SBF2: variants seen among roughly 807,000 people sequenced by gnomAD.
SBF2 encodes SET binding factor 2.
A neutral mutation model predicts 225.2 loss-of-function variants in SBF2; 112 were observed. That is an observed-to-expected ratio of 0.50 (90% CI 0.43 to 0.58). The LOEUF is 0.58. Among genes scored for constraint, SBF2 ranks in the 20% least tolerant of loss-of-function variants. The pLI is 0.00. For missense variants in SBF2, 1,996 were observed against 2,206.2 expected, an observed-to-expected ratio of 0.90 and a Z score of 1.91; for synonymous variants, 763 against 773.3, an observed-to-expected ratio of 0.99 and a Z score of 0.22.
At chr11:10,205,766 G>A (rs898275034) in intron 1 of SBF2, among the ~76,000 whole-genome samples, 16 of 152,016 alleles carry the variant, frequency 1.1e-4, no homozygotes, top group African/African-American at 3.9e-4. Context: ...ACCAGCAAGA[G>A]AGACCCCATC....
intron 2 of SBF2, among the ~76,000 whole-genome samples, chr11:10,155,298 TA>T (rs1351859599): frequency 6.6e-6 from 1 of 152,206 alleles, no homozygotes; most frequent in Non-Finnish European, 1.5e-5. Context: ...AAGAGAAATA[TA>T]AATTTCATGT....
chr11:9,922,169 C>T (rs1015857760), intron 16 of SBF2, among the ~76,000 whole-genome samples: 9 of 151,982 alleles, frequency 5.9e-5, no homozygotes, highest in Non-Finnish European at 1.3e-4. Context: ...CTGGTTGAGC[C>T]CAGGAGATGG....
At position 10,225,988 on chromosome 11, in the gene SBF2, A is replaced by G. The variant is rs543939975; in HGVS notation, c.56-32001T>C. Among the ~76,000 whole-genome samples the G allele has an allele frequency of 7.2e-5, 11 of 152,330 alleles. No homozygotes were observed. The East Asian group carries it at 2.1e-3, about 29-fold the overall frequency. ...GGATTTTCATTACCAAATTTTATCC[A>G]ACAGAAATAAGCAGCCAGAAGACAC... On this transcript the variant is annotated intron_variant, in intron 1 of 39. Coordinates refer to ENST00000256190, the MANE Select transcript of SBF2 (RefSeq NM_030962.4).
intron 16 of SBF2, among the ~76,000 whole-genome samples, chr11:9,916,635 T>C (rs1293530167): frequency 1.3e-5 from 2 of 150,846 alleles, no homozygotes; most frequent in Non-Finnish European, 3.0e-5. Context: ...TCTTGCTCTG[T>C]TGCCCAGGCT....
chr11:10,143,452 T>C (rs983989869), intron 2 of SBF2, among the ~76,000 whole-genome samples: 44 of 152,090 alleles, frequency 2.9e-4, no homozygotes, highest in African/African-American at 1.1e-3. Context: ...ACCTATAAAA[T>C]GAAATCAAAG....
At position 9,780,463 on chromosome 11, in the gene SBF2, G is replaced by A; in HGVS notation, c.5505C>T (p.Ala1835=). Residue 1835 remains alanine, a synonymous_variant, in exon 40 of 40, where the codon GCC becomes GCT. Transcript: ENST00000256190. ...YNFCAQDGQS[A]QQWMDKIQSC... ...TCTGGATCTTGTCCATCCATTGCTG[G>A]GCACTCTGTCCATCCTGGGCGCAGA... 1 of 1,614,092 alleles carries A rather than the reference G, an allele frequency of 6.2e-7. No homozygotes were observed. Among genetic ancestry groups the A allele is most frequent in the Non-Finnish European group, 8.5e-7 (1 of 1,180,020 alleles).
At chr11:9,957,859 A>G (rs995280667) in intron 16 of SBF2, 5 of 151,974 alleles carry the variant, frequency 3.3e-5, no homozygotes, top group Non-Finnish European at 5.9e-5. Context: ...AGGGATATCC[A>G]TCAGTTTATA....
At chr11:10,201,543 C>T (rs545967103) in intron 1 of SBF2, among the ~76,000 whole-genome samples, 52 of 152,322 alleles carry the variant, frequency 3.4e-4, no homozygotes, top group Non-Finnish European at 6.5e-4. Flanking sequence ...TTTCAACTGA[C>T]ATAAGCCTTT....
At position 9,955,890 on chromosome 11, in the gene SBF2, C is replaced by G. The variant is rs192194971; in HGVS notation, c.1860+6067G>C. Among the ~76,000 whole-genome samples the G allele has an allele frequency of 2.2e-3, 341 of 152,066 alleles. 3 individuals are homozygous for G. Among genetic ancestry groups the G allele is most frequent in the Middle Eastern group, 3.4e-3 (1 of 292 alleles). On this transcript the variant is annotated intron_variant, in intron 16 of 39. Transcript: ENST00000256190. The stretch of plus-strand genomic sequence containing the variant: ...TAGTTTTAAAAAAATACTTTTACCA[C>G]GTATGTTTGTATCATTAGATTAAAT...
At chr11:9,782,786 C>T (rs1300961603) in intron 38 of SBF2, among the ~76,000 whole-genome samples, 3 of 150,898 alleles carry the variant, frequency 2.0e-5, no homozygotes, top group Admixed American at 6.6e-5. Context: ...CAGAGAATGG[C>T]GAGAACCCAG....
chr11:9,926,145 T>C (rs1296464629), intron 16 of SBF2, among the ~76,000 whole-genome samples: 2 of 152,200 alleles, frequency 1.3e-5, no homozygotes, highest in Non-Finnish European at 2.9e-5. Context: ...TATAAAAGTG[T>C]TTTAGTCTCC....
rs201247796 is a variant in SBF2, at chr11:9,858,256, T to C, written c.2070A>G (p.Glu690=). 1.1e-5 allele frequency: 18 copies of C among 1,614,240 alleles called. No individual in the cohort carries two copies. In the Admixed American group the frequency reaches 2.3e-4, roughly 21 times the overall value. ...QVRSLYLSAK[E]DNHAPHLKQK... ...GCTTCAGATGCGGGGCATGATTGTCTTCCTTGGCTGAGAGATAAAGGGAGC... is the reference window on the plus strand; with the variant it reads ...GCTTCAGATGCGGGGCATGATTGTCCTCCTTGGCTGAGAGATAAAGGGAGC... Residue 690 remains glutamate, a synonymous_variant, in exon 18 of 40, where the codon GAA becomes GAG. Coordinates refer to ENST00000256190, the MANE Select transcript of SBF2 (RefSeq NM_030962.4).
At chr11:9,943,242 T>C (rs1365106594) in intron 16 of SBF2, among the ~76,000 whole-genome samples, 1 of 152,178 alleles carries the variant, frequency 6.6e-6, no homozygotes, top group East Asian at 1.9e-4. Flanking sequence ...TTCAGATAGA[T>C]TAAGGACTTA....
chr11:9,804,459 TA>T (rs1853673687), intron 32 of SBF2, among the ~76,000 whole-genome samples: 2 of 152,226 alleles, frequency 1.3e-5, no homozygotes, highest in African/African-American at 4.8e-5. Flanking sequence ...AAGTGTTATT[TA>T]AAAATAAAAT....
At chr11:10,270,845 G>A (rs1425390743) in intron 1 of SBF2, among the ~76,000 whole-genome samples, 1 of 151,786 alleles carries the variant, frequency 6.6e-6, no homozygotes, top group Non-Finnish European at 1.5e-5. Context: ...ACGGAAAAAA[G>A]TTAGCCAAGC....
rs571604588 is a variant in SBF2 at position 10,098,935 on chromosome 11, T to C, written c.142-55954A>G. Reference sequence around the variant, plus strand: ...ATGAACCAAACCAAAATATGCATGATAGAAGTCTCAGAAAAAGAAGACAAA... The same window carrying C: ...ATGAACCAAACCAAAATATGCATGACAGAAGTCTCAGAAAAAGAAGACAAA... On this transcript the variant is annotated intron_variant, in intron 2 of 39. Coordinates refer to ENST00000256190, the MANE Select transcript of SBF2 (RefSeq NM_030962.4). Among the ~76,000 whole-genome samples, 36 of 151,756 alleles carry C rather than the reference T, an allele frequency of 2.4e-4. No homozygotes were observed. The East Asian group carries it at 5.0e-3, about 21-fold the overall frequency.
intron 16 of SBF2, among the ~76,000 whole-genome samples, chr11:9,926,647 C>T (rs141801584): frequency 6.6e-6 from 1 of 151,874 alleles, no homozygotes; most frequent in South Asian, 2.1e-4. Context: ...TCTAAATAAC[C>T]TAAGCGTTCA....
intron 8 of SBF2, among the ~76,000 whole-genome samples, chr11:9,999,317 GTATGTATGTATGTATT>G (rs1947848368): frequency 9.1e-6 from 1 of 109,514 alleles, no homozygotes; most frequent in Non-Finnish European, 2.0e-5. Context: ...ATGTATGTAT[GTATGTATGTATGTATT>G]TATTTTTGAG....
At chr11:9,927,904 T>C (rs979653799) in intron 16 of SBF2, among the ~76,000 whole-genome samples, 15 of 152,164 alleles carry the variant, frequency 9.9e-5, no homozygotes, top group African/African-American at 3.6e-4. Flanking sequence ...CAACTCTATA[T>C]CTGTTTGTAA....
Sources: gnomAD v4.1 joint callset for allele counts (sites outside exome capture counted in the v4.1 genomes callset) on GRCh38, gnomAD v4.1.1 for gene constraint, MANE v1.5 for transcripts, NCBI Gene and HGNC (gene_info 2026-07-23, HGNC 2026-07-21) for gene names.